ASPH: variants seen among roughly 807,000 people sequenced by gnomAD.
ASPH encodes aspartyl/asparaginyl beta-hydroxylase.
In ASPH, 100 loss-of-function variants were observed where a neutral mutation model predicts 118.4. The observed-to-expected ratio is 0.84, with a 90% CI of 0.72 to 1.00. ASPH has a LOEUF of 1.00. Ranked by LOEUF, ASPH falls within the 50% of genes least tolerant of loss-of-function variation. The pLI is 0.00. For synonymous variants in ASPH, 315 were observed against 325.6 expected, an observed-to-expected ratio of 0.97 and a Z score of 0.35; for missense variants, 920 against 919.5, an observed-to-expected ratio of 1.00 and a Z score of -0.01.
chr8:61,552,562 C>T (rs1286445529), intron 20 of ASPH, among the ~76,000 whole-genome samples: 1 of 152,112 alleles, frequency 6.6e-6, no homozygotes, highest in Non-Finnish European at 1.5e-5. Context: ...AGACTTCATT[C>T]TAAAAAGAAC....
chr8:61,517,616 T>C lies in ASPH; in HGVS notation c.2038A>G (p.Thr680Ala), dbSNP rs1448982483. 1.2e-6 allele frequency: 2 copies of C among 1,614,022 alleles called. No homozygotes were observed. Among genetic ancestry groups the C allele is most frequent in the African/African-American group, 1.3e-5 (1 of 74,946 alleles). The change falls in exon 24 of 25, where the codon ACA becomes GCA. Residue 680 changes from threonine to alanine, a missense_variant. Physicochemically the swap from Thr to Ala is moderately conservative, Grantham distance 58 (BLOSUM62 0). Transcript: ENST00000379454. ...CGGAGCCTGCAGTTTGTGGGCCCTG[T>C]GTGCGGCCACACGTGAGTCCCGGGG... is the stretch of plus-strand genomic sequence containing the variant. Reference protein sequence around the residue: ...MHPGTHVWPHTGPTNCRLRMH... With the variant: ...MHPGTHVWPHAGPTNCRLRMH...
intron 3 of ASPH, chr8:61,663,824 T>A: frequency 2.0e-6 from 2 of 981,854 alleles, no homozygotes; most frequent in Non-Finnish European, 1.2e-6. Context: ...CAACTAAATG[T>A]CGTAAAGTAT....
At chr8:61,534,932 G>T (rs1393839923) in intron 21 of ASPH, among the ~76,000 whole-genome samples, 4 of 152,216 alleles carry the variant, frequency 2.6e-5, no homozygotes, top group African/African-American at 9.6e-5. Flanking sequence ...AGCAAGTTTG[G>T]TTTCTTTCGA....
Position 61,579,163 on chromosome 8 carries a change from G to C in ASPH, c.1063-2305C>G. On this transcript the variant is annotated intron_variant, in intron 15 of 24. Transcript: ENST00000379454. ...ATCTCTGAGATGAACTGGAACATCA[G>C]CCAGCTCCAGGCTGAGATTGAGGGC... 1.9e-6 allele frequency: 3 copies of C among 1,612,172 alleles called. No individual in the cohort carries two copies. In the South Asian group the frequency reaches 3.3e-5, roughly 18 times the overall value.
At chr8:61,529,395 C>G (rs1816722627) in intron 21 of ASPH, among the ~76,000 whole-genome samples, 1 of 152,166 alleles carries the variant, frequency 6.6e-6, no homozygotes, top group South Asian at 2.1e-4. Context: ...AGAGGGCATG[C>G]CACCAAGACA....
chr8:61,680,618 A>C (rs1827567645), intron 3 of ASPH: 1 of 159,044 alleles, frequency 6.3e-6, no homozygotes, highest in Non-Finnish European at 1.4e-5. Flanking sequence ...TGTAATGTTA[A>C]TGAAAAATGG....
At chr8:61,628,824 C>T (rs10095162) in intron 13 of ASPH, among the ~76,000 whole-genome samples, 103,128 of 152,022 alleles carry the variant, frequency 0.68, 35,095 homozygotes, top group Middle Eastern at 0.74. Context: ...ACAACATTGT[C>T]AATCATGTAT....
In ASPH at chr8:61,681,040, T is replaced by C. The variant is rs370030389; in HGVS notation, c.254-4A>G. ...GCATCATAGATTCCTAGTTTTCCTA[T>C]AATAGGGCAGAAATGATGGATATGG... On this transcript the variant is annotated splice_polypyrimidine_tract_variant and splice_region_variant and intron_variant, in intron 2 of 24. Coordinates refer to ENST00000379454, the MANE Select transcript of ASPH (RefSeq NM_004318.4). 6 of 1,589,016 alleles carry C rather than the reference T, an allele frequency of 3.8e-6. No homozygotes were observed. Among genetic ancestry groups the C allele is most frequent in the Middle Eastern group, 1.7e-4 (1 of 5,976 alleles).
chr8:61,533,104 CTTT>C (rs71559337), intron 21 of ASPH, among the ~76,000 whole-genome samples: 1 of 141,838 alleles, frequency 7.1e-6, no homozygotes, highest in Non-Finnish European at 1.5e-5. Context: ...ATTTCTTCTT[CTTT>C]TTTTTTTTTT....
intron 3 of ASPH, among the ~76,000 whole-genome samples, chr8:61,673,360 G>C (rs556338493): frequency 6.6e-6 from 1 of 152,216 alleles, no homozygotes; most frequent in African/African-American, 2.4e-5. Flanking sequence ...AAGCTAAAGG[G>C]CTGAAAAGAA....
chr8:61,714,396 G>T lies in ASPH; in HGVS notation c.-25C>A, dbSNP rs1287016385. 1 of 1,476,598 alleles carries T rather than the reference G, an allele frequency of 6.8e-7. No homozygotes were observed. The allele number at this position is 1,476,598 out of a possible 1,614,324, so 91.5% of individuals were successfully genotyped here. A position where few individuals can be genotyped will look rare whatever the true frequency, so the allele number is the denominator to read the frequency against. On this transcript the variant is annotated 5_prime_UTR_variant, in exon 1 of 25. Transcript: ENST00000379454. Reference sequence around the variant, plus strand: ...TTGCACGGTCCGCGGGGGCTGGTGAGGGCTGGCGGACCTCCTTCAGTGCGC... The same window carrying T: ...TTGCACGGTCCGCGGGGGCTGGTGATGGCTGGCGGACCTCCTTCAGTGCGC...
At chr8:61,560,349 T>C (rs556262133) in intron 18 of ASPH, among the ~76,000 whole-genome samples, 2 of 152,296 alleles carry the variant, frequency 1.3e-5, no homozygotes, top group South Asian at 4.1e-4. Flanking sequence ...AGTTTCTTTG[T>C]TGCAACTAAA....
intron 12 of ASPH, among the ~76,000 whole-genome samples, chr8:61,636,821 G>A (rs1255652351): frequency 6.6e-6 from 1 of 152,038 alleles, no homozygotes. Context: ...ATATTCTTCA[G>A]AACATTAATA....
chr8:61,617,657 A>G (rs915330213), intron 14 of ASPH, among the ~76,000 whole-genome samples: 2 of 152,114 alleles, frequency 1.3e-5, no homozygotes, highest in African/African-American at 4.8e-5. Flanking sequence ...AAGGCCAGGC[A>G]CGGTGGTTCA....
At chr8:61,633,476 C>T in intron 13 of ASPH, 1 of 375,670 alleles carries the variant, frequency 2.7e-6, no homozygotes. Context: ...CAAATTCTAG[C>T]TCAGCAGATA....
chr8:61,633,856 A>C, intron 12 of ASPH, 129 bp from the exon 13 acceptor site: 2 of 636,486 alleles, frequency 3.1e-6, no homozygotes, highest in Non-Finnish European at 5.1e-6. Flanking sequence ...AATTTTAATA[A>C]AAACATTAGG....
intron 3 of ASPH, among the ~76,000 whole-genome samples, chr8:61,672,077 T>C (rs1473125842): frequency 6.6e-6 from 1 of 152,202 alleles, no homozygotes; most frequent in African/African-American, 2.4e-5. Flanking sequence ...ATTTCAACAT[T>C]GACTACAAAT....
intron 3 of ASPH, among the ~76,000 whole-genome samples, chr8:61,680,048 A>C (rs932244084): frequency 6.6e-6 from 1 of 151,530 alleles, no homozygotes; most frequent in African/African-American, 2.4e-5. Context: ...ACTTTATTTC[A>C]TAAGGAGGTG....
chr8:61,675,007 C>T (rs955532504), intron 3 of ASPH, among the ~76,000 whole-genome samples: 4 of 152,116 alleles, frequency 2.6e-5, no homozygotes, highest in African/African-American at 9.7e-5. Context: ...TGAGGGGAAA[C>T]TGATGAAATC....
Sources: allele counts gnomAD v4.1 joint callset (sites outside exome capture counted in the v4.1 genomes callset), GRCh38; gene constraint gnomAD v4.1.1; transcripts MANE v1.5; gene names NCBI Gene and HGNC (gene_info 2026-07-23, HGNC 2026-07-21).